Variants in NPAT observed in about 807,000 individuals in gnomAD.
The protein encoded by NPAT is protein NPAT.
A neutral mutation model predicts 130.7 loss-of-function variants in NPAT; 52 were observed. The ratio of observed to expected loss-of-function variants is 0.40; its 90% confidence interval spans 0.32 to 0.50. The LOEUF is 0.50. Among genes scored for constraint, NPAT ranks in the 20% least tolerant of loss-of-function variants. The pLI is 0.68. For missense variants in NPAT, 1,687 were observed against 1,662.6 expected (o/e 1.01, Z -0.26); for synonymous variants, 580 against 584.8 (o/e 0.99, Z 0.12).
At chr11:108,210,875 A>G (rs955304616) in intron 1 of NPAT, among the ~76,000 whole-genome samples, 12 of 152,212 alleles carry the variant, frequency 7.9e-5, no homozygotes, top group Non-Finnish European at 1.8e-4. Flanking sequence ...TTGCCCTGAT[A>G]CCAAAACAAG....
intron 11 of NPAT, 88 bp from the exon 12 acceptor site, chr11:108,176,462 G>T: frequency 1.0e-6 from 1 of 981,118 alleles, no homozygotes; most frequent in Non-Finnish European, 1.6e-6. Flanking sequence ...TTACGCAAAT[G>T]TTAAACTTCG....
At chr11:108,219,282 C>T (rs555675711) in intron 1 of NPAT, among the ~76,000 whole-genome samples, 1 of 152,196 alleles carries the variant, frequency 6.6e-6, no homozygotes, top group Admixed American at 6.5e-5. Flanking sequence ...TCAGACAAGT[C>T]TTCCACGTTC....
chr11:108,179,432 T>C (rs868629255), intron 10 of NPAT, among the ~76,000 whole-genome samples: 6 of 152,264 alleles, frequency 3.9e-5, no homozygotes, highest in Middle Eastern at 6.8e-3. Flanking sequence ...CACACCCAGC[T>C]AATTTTGGTC....
intron 12 of NPAT, 138 bp downstream of exon 12, chr11:108,176,105 GTTT>G: frequency 1.5e-6 from 1 of 661,926 alleles, no homozygotes; most frequent in South Asian, 1.9e-5. Context: ...ATTTATAATT[GTTT>G]TTAACAGAGA....
Position 108,172,730 on chromosome 11 carries a change from A to G in NPAT, c.2254T>C (p.Ser752Pro), listed in dbSNP as rs747369150. Residue 752 changes from serine (S) to proline (P), a missense_variant, in exon 13 of 18, where the codon TCA (serine) becomes CCA (proline). This residue lies in a region of NPAT where 1,379 missense variants were observed against 1,346.6 expected (regional missense o/e 1.02). Transcript: ENST00000278612. ...VIISDDPFVS[S>P]DTELTSAVSS... ...ACAGCACTGGTAAGTTCAGTATCTGAGGAAACAAATGGATCATCACTAATG... is the reference window on the plus strand; with the variant it reads ...ACAGCACTGGTAAGTTCAGTATCTGGGGAAACAAATGGATCATCACTAATG... The G allele has an allele frequency of 1.9e-6, 3 of 1,613,440 alleles. No individual in the cohort carries two copies. The highest frequency in any genetic ancestry group is 2.5e-6 in the Non-Finnish European group (3 of 1,180,030).
intron 10 of NPAT, among the ~76,000 whole-genome samples, chr11:108,183,219 T>G (rs1245679957): frequency 1.3e-5 from 2 of 152,156 alleles, no homozygotes; most frequent in East Asian, 1.9e-4. Flanking sequence ...ACCTCTGGGC[T>G]CAAGCAGTCC....
At chr11:108,174,417 GATCCAATCTCTA>G (rs1469826016) in intron 12 of NPAT, among the ~76,000 whole-genome samples, 1 of 152,024 alleles carries the variant, frequency 6.6e-6, no homozygotes, top group Non-Finnish European at 1.5e-5. Flanking sequence ...AAAGATGAAT[GATCCAATCTCTA>G]ATCTTGGAGA....
chr11:108,219,493 G>A (rs1320243043), intron 1 of NPAT, among the ~76,000 whole-genome samples: 1 of 152,054 alleles, frequency 6.6e-6, no homozygotes, highest in East Asian at 1.9e-4. Context: ...TTTTTTTACT[G>A]CATGCTGTCT....
chr11:108,176,251 T>G lies in NPAT; in HGVS notation c.1127A>C (p.Glu376Ala). 1 of 1,576,712 alleles carries G rather than the reference T, an allele frequency of 6.3e-7. No homozygotes were observed. The highest frequency in any genetic ancestry group is 1.3e-5 in the African/African-American group (1 of 74,328). ...TAACAAAATTAAATTCTTACCAGAT[T>G]CTTCTGTTTCAAAAGAACCTTTAAC... Reference protein sequence around the residue: ...LAVKGSFETEESDGQSGQPAF... With the variant: ...LAVKGSFETEASDGQSGQPAF... Residue 376 changes from glutamate (E) to alanine (A), a missense_variant, in exon 12 of 18, where the codon GAA (glutamate) becomes GCA (alanine). Coordinates refer to ENST00000278612, the MANE Select transcript of NPAT (RefSeq NM_002519.3).
Position 108,189,324 on chromosome 11 carries a change from G to T in NPAT, c.338C>A (p.Thr113Lys). 6.2e-7 allele frequency: 1 copy of T among 1,614,130 alleles called. No homozygotes were observed. The change falls in exon 6 of 18, where the codon ACG (threonine) becomes AAG (lysine). Residue 113 changes from threonine (T) to lysine (K), a missense_variant. Transcript: ENST00000278612. ...PRFAGSQRAR[T>K]RTGIAEIKRQ... ...TTTGATTTCTGCAATTCCAGTTCTC[G>T]TTCGGGCTGAAACATATAAGCATTT... is the stretch of plus-strand genomic sequence containing the variant.
Position 108,216,079 on chromosome 11 carries a change from C to G in NPAT, c.37+6421G>C, listed in dbSNP as rs112716688. Among the ~76,000 whole-genome samples the G allele has an allele frequency of 1.4e-3, 217 of 150,784 alleles. 1 individual carries two copies. The highest frequency in any genetic ancestry group is 2.4e-3 in the Non-Finnish European group (163 of 67,996). On this transcript the variant is annotated intron_variant, in intron 1 of 17. Transcript: ENST00000278612. ...AGCTGTTACTAGCTTTTTGTAAACACAAAAATTTAAAACTTCTACAGACTA... is the reference window on the plus strand; with the variant it reads ...AGCTGTTACTAGCTTTTTGTAAACAGAAAAATTTAAAACTTCTACAGACTA...
chr11:108,214,631 ATT>A (rs575646719), intron 1 of NPAT, among the ~76,000 whole-genome samples: 13 of 140,320 alleles, frequency 9.3e-5, no homozygotes, highest in Admixed American at 1.4e-4. Flanking sequence ...TATGATTCCA[ATT>A]TTTTTTTTTT....
intron 1 of NPAT, among the ~76,000 whole-genome samples, chr11:108,199,598 T>C (rs990305105): frequency 2.0e-5 from 3 of 152,210 alleles, no homozygotes; most frequent in Non-Finnish European, 4.4e-5. Context: ...ACTGGGCCTC[T>C]GTCAGCCAGT....
chr11:108,172,232 C>T lies in NPAT; in HGVS notation c.2752G>A (p.Val918Ile). The T allele has an allele frequency of 6.2e-7, 1 of 1,614,042 alleles. No homozygotes were observed. The highest frequency in any genetic ancestry group is 1.3e-5 in the African/African-American group (1 of 75,058). The change falls in exon 13 of 18, where the codon GTC becomes ATC. Residue 918 changes from valine (V) to isoleucine (I), a missense_variant. Val to Ile is a conservative substitution (Grantham distance 29). Coordinates refer to ENST00000278612, the MANE Select transcript of NPAT (RefSeq NM_002519.3). ...TPPRSNSVFA[V>I]NQAVSPNFSQ... Reference sequence around the variant, plus strand: ...AAGTTTGGTGACACAGCTTGGTTGACAGCAAATACACTGTTTGACCTTGGT... The same window carrying T: ...AAGTTTGGTGACACAGCTTGGTTGATAGCAAATACACTGTTTGACCTTGGT...
intron 10 of NPAT, among the ~76,000 whole-genome samples, chr11:108,183,656 G>A (rs1039945323): frequency 1.3e-5 from 2 of 152,024 alleles, no homozygotes; most frequent in Non-Finnish European, 2.9e-5. Context: ...ACAAAAATTA[G>A]CCAGGCGTGG....
chr11:108,190,759 G>C (rs966834894), intron 4 of NPAT, among the ~76,000 whole-genome samples: 10 of 152,182 alleles, frequency 6.6e-5, no homozygotes, highest in Non-Finnish European at 1.2e-4. Flanking sequence ...ATGCATTAGA[G>C]TGCCTTGACA....
intron 1 of NPAT, among the ~76,000 whole-genome samples, chr11:108,212,946 A>C (rs927512536): frequency 1.8e-4 from 4 of 21,668 alleles, no homozygotes; most frequent in Non-Finnish European, 7.9e-5. Context: ...ACTCTGTCTC[A>C]AAAAAAAAAA....
At chr11:108,222,049 T>C (rs1470536277) in intron 1 of NPAT, among the ~76,000 whole-genome samples, 1 of 152,068 alleles carries the variant, frequency 6.6e-6, no homozygotes, top group Non-Finnish European at 1.5e-5. Context: ...GGGCGGGTTA[T>C]TAGAAGGGCG....
At position 108,161,034 on chromosome 11, in the gene NPAT, G is replaced by A; in HGVS notation, c.4052C>T (p.Pro1351Leu). The A allele has an allele frequency of 6.2e-7, 1 of 1,614,114 alleles. No homozygotes were observed. Among genetic ancestry groups the A allele is most frequent in the Non-Finnish European group, 8.5e-7 (1 of 1,180,006 alleles). Residue 1351 changes from proline (P) to leucine (L), a missense_variant, in exon 17 of 18, where the codon CCT (proline) becomes CTT (leucine). By Grantham distance (98) the Pro-to-Leu change is moderately conservative. This residue lies in a region of NPAT where 1,379 missense variants were observed against 1,346.6 expected (regional missense o/e 1.02). Coordinates refer to ENST00000278612, the MANE Select transcript of NPAT (RefSeq NM_002519.3). ...AAISRTTSAT[P>L]LKDNTQQFRA... ...AAACTGTTGTGTGTTATCTTTCAGA[G>A]GAGTTGCTGAAGTAGTCCTAGAAAT... is the stretch of plus-strand genomic sequence containing the variant.
Sources: gnomAD v4.1 joint callset for allele counts (sites outside exome capture counted in the v4.1 genomes callset) on GRCh38, gnomAD v4.1.1 for gene constraint, gnomAD v4.1.1 regional missense constraint, MANE v1.5 for transcripts, NCBI Gene and HGNC (gene_info 2026-07-23, HGNC 2026-07-21) for gene names.